Variants in KCNQ5 observed in about 807,000 individuals in gnomAD.
KCNQ5 encodes the protein potassium voltage-gated channel subfamily Q member 5.
KCNQ5 carries 30 observed loss-of-function variants against 98.2 expected under a neutral mutation model. That is an observed-to-expected ratio of 0.31 (90% confidence interval 0.23 to 0.41). The LOEUF is 0.41. Ranked by LOEUF, KCNQ5 falls within the 10% of genes least tolerant of loss-of-function variation. KCNQ5 has a pLI of 1.00. For missense variants in KCNQ5, 835 were observed against 1,182.5 expected (o/e 0.71, Z 4.31); for synonymous variants, 458 against 449.4 (o/e 1.02, Z -0.24).
At position 73,197,548 on chromosome 6, in the gene KCNQ5, A is replaced by C. The variant is rs186345557; in HGVS notation, c.*2134A>C. 1 of 149,768 alleles carries C rather than the reference A, an allele frequency of 6.7e-6. No homozygotes were observed. Among genetic ancestry groups the C allele is most frequent in the East Asian group, 2.0e-4 (1 of 5,006 alleles). 9.3% of individuals were successfully genotyped at this position (149,768 alleles called of 1,614,324 possible). A position where few individuals can be genotyped will look rare whatever the true frequency, so the allele number is the denominator to read the frequency against. ...CAATTTTTCATCTTCATTCAACCTG[A>C]AGTTGTGATTCCCCCTTGCAAGAAT... is the stretch of plus-strand genomic sequence containing the variant. On this transcript the variant is annotated 3_prime_UTR_variant, in exon 14 of 14. Coordinates refer to ENST00000370398, the MANE Select transcript of KCNQ5 (RefSeq NM_019842.4).
At chr6:72,832,063 A>C (rs1005689880) in intron 1 of KCNQ5, among the ~76,000 whole-genome samples, 2 of 152,196 alleles carry the variant, frequency 1.3e-5, no homozygotes, top group Non-Finnish European at 2.9e-5. Context: ...AAAGTTGTCC[A>C]CAGAAAATAT....
At chr6:72,759,397 G>A (rs1277160121) in intron 1 of KCNQ5, among the ~76,000 whole-genome samples, 2 of 152,152 alleles carry the variant, frequency 1.3e-5, no homozygotes, top group East Asian at 3.9e-4. Context: ...AAAATGGTCA[G>A]TGCAAGCTGA....
At chr6:72,712,468 C>T (rs1769419491) in intron 1 of KCNQ5, among the ~76,000 whole-genome samples, 1 of 152,214 alleles carries the variant, frequency 6.6e-6, no homozygotes, top group Non-Finnish European at 1.5e-5. Context: ...CTGTTTGTCA[C>T]TGTTGTCAAT....
chr6:72,647,117 A>C (rs879683019), intron 1 of KCNQ5, among the ~76,000 whole-genome samples: 18 of 152,264 alleles, frequency 1.2e-4, no homozygotes, highest in Admixed American at 3.3e-4. Context: ...CTATTCTTAC[A>C]TTACAACAAT....
chr6:72,895,452 G>A lies in KCNQ5; in HGVS notation c.399-108456G>A, dbSNP rs890362291. ...TTCAAAAACATGCCATGGAGAACAC[G>A]ATTTTTTAAAATAGGACTTTTTGAA... On this transcript the variant is annotated intron_variant, in intron 1 of 13. Transcript: ENST00000370398. 5.3e-5 allele frequency among the ~76,000 whole-genome samples: 8 copies of A among 151,818 alleles called. No individual in the cohort carries two copies. In the South Asian group the frequency reaches 1.0e-3, roughly 20 times the overall value.
At chr6:72,669,827 C>T (rs1565070101) in intron 1 of KCNQ5, among the ~76,000 whole-genome samples, 2 of 151,988 alleles carry the variant, frequency 1.3e-5, no homozygotes, top group Admixed American at 6.6e-5. Flanking sequence ...ATGAATTGCA[C>T]CTATGCTCTC....
intron 1 of KCNQ5, among the ~76,000 whole-genome samples, chr6:72,820,842 C>A (rs1775719779): frequency 6.6e-6 from 1 of 152,142 alleles, no homozygotes; most frequent in African/African-American, 2.4e-5. Context: ...TAGGATTTTA[C>A]AGAAGTATTA....
intron 5 of KCNQ5, among the ~76,000 whole-genome samples, chr6:73,099,381 A>G (rs981581269): frequency 1.3e-5 from 2 of 152,174 alleles, no homozygotes; most frequent in Admixed American, 6.5e-5. Flanking sequence ...GATTCAATGG[A>G]TTAAAATTAA....
intron 1 of KCNQ5, among the ~76,000 whole-genome samples, chr6:72,994,203 C>G (rs761566155): frequency 4.9e-3 from 419 of 85,866 alleles, no homozygotes; most frequent in Non-Finnish European, 5.6e-3. Context: ...TCGAGCTGCC[C>G]GGCTGCTTTG....
At chr6:72,720,368 T>A (rs747948661) in intron 1 of KCNQ5, among the ~76,000 whole-genome samples, 97 of 152,324 alleles carry the variant, frequency 6.4e-4, no homozygotes, top group Non-Finnish European at 1.2e-3. Flanking sequence ...TGCATTTTTT[T>A]AAGTTTTGAA....
At chr6:73,184,545 A>G (rs185203365) in intron 11 of KCNQ5, among the ~76,000 whole-genome samples, 216 of 152,352 alleles carry the variant, frequency 1.4e-3, no homozygotes, top group Middle Eastern at 0.01. Flanking sequence ...TTCAGCTAGC[A>G]TTTAATGAAC....
intron 1 of KCNQ5, among the ~76,000 whole-genome samples, chr6:72,889,986 G>A (rs1229850360): frequency 6.6e-6 from 1 of 152,156 alleles, no homozygotes; most frequent in Non-Finnish European, 1.5e-5. Context: ...AGAGCTGAAT[G>A]GTGCTTGGAA....
intron 1 of KCNQ5, among the ~76,000 whole-genome samples, chr6:72,971,961 C>T (rs1245038984): frequency 6.6e-6 from 1 of 152,138 alleles, no homozygotes. Context: ...ACATTGTGCA[C>T]ATATACCCTA....
intron 1 of KCNQ5, among the ~76,000 whole-genome samples, chr6:72,680,621 G>A (rs1331055551): frequency 6.6e-6 from 1 of 152,158 alleles, no homozygotes; most frequent in South Asian, 2.1e-4. Context: ...TTAGGCAATA[G>A]ATAACCATTT....
chr6:72,684,575 G>T (rs78954203), intron 1 of KCNQ5, among the ~76,000 whole-genome samples: 3,234 of 152,204 alleles, frequency 0.021, 104 homozygotes, highest in African/African-American at 0.071. Flanking sequence ...ATATCACACT[G>T]TATCTCCAAA....
chr6:72,692,409 T>C (rs1768257220), intron 1 of KCNQ5, among the ~76,000 whole-genome samples: 2 of 152,238 alleles, frequency 1.3e-5, no homozygotes, highest in Admixed American at 1.3e-4. Context: ...TCCATGATTA[T>C]CAAGGTTCAT....
chr6:73,025,231 ACCAAAACTGTTGCAACATAATT>A (rs1770819861), intron 2 of KCNQ5, among the ~76,000 whole-genome samples: 1 of 152,242 alleles, frequency 6.6e-6, no homozygotes, highest in South Asian at 2.1e-4. Flanking sequence ...TGGCAATTTT[ACCAAAACTGTTGCAACATAATT>A]GATGCTCTAG....
At chr6:72,686,802 C>G (rs1767981114) in intron 1 of KCNQ5, among the ~76,000 whole-genome samples, 1 of 139,638 alleles carries the variant, frequency 7.2e-6, no homozygotes, top group East Asian at 2.3e-4. Context: ...AATCCAATAT[C>G]TTTGTTTGAT....
intron 1 of KCNQ5, among the ~76,000 whole-genome samples, chr6:72,935,922 G>A (rs1193223642): frequency 6.6e-6 from 1 of 152,000 alleles, no homozygotes; most frequent in Non-Finnish European, 1.5e-5. Flanking sequence ...TTCTTTTCTT[G>A]CATTCTAAGA....
Sources: gnomAD v4.1 joint callset for allele counts (sites outside exome capture counted in the v4.1 genomes callset) on GRCh38, gnomAD v4.1.1 for gene constraint, MANE v1.5 for transcripts, NCBI Gene and HGNC (gene_info 2026-07-23, HGNC 2026-07-21) for gene names.